The following MGST1 variants were observed in gnomAD, a reference collection of about 807,000 sequenced individuals.
MGST1 encodes the protein glutathione S-transferase 12.
A neutral mutation model predicts 8.9 loss-of-function variants in MGST1; 5 were observed. The ratio of observed to expected loss-of-function variants is 0.56; its 90% CI spans 0.29 to 1.19. The LOEUF is 1.19. MGST1 is among the 50% of genes most tolerant of loss of function. MGST1 has a pLI of 0.08. For missense variants in MGST1, 182 were observed against 187.4 expected (o/e 0.97, Z 0.17); for synonymous variants, 54 against 67.8 (o/e 0.80, Z 1.00).
intron 4 of MGST1, among the ~76,000 whole-genome samples, chr12:16,470,988 A>G (rs905043587): frequency 1.3e-5 from 2 of 152,212 alleles, no homozygotes; most frequent in African/African-American, 4.8e-5. Flanking sequence ...CAGCATAAAC[A>G]TCTGCCATCT....
At chr12:16,525,517 C>A (rs1941680316) in intron 4 of MGST1, among the ~76,000 whole-genome samples, 1 of 148,086 alleles carries the variant, frequency 6.8e-6, no homozygotes, top group African/African-American at 2.5e-5. Flanking sequence ...TGTATATGTG[C>A]CACATTTTCT....
chr12:16,429,233 AAATCAT>A (rs1940919126), intron 1 of MGST1, among the ~76,000 whole-genome samples: 1 of 152,160 alleles, frequency 6.6e-6, no homozygotes, highest in Admixed American at 6.5e-5. Flanking sequence ...ACATTTACAT[AAATCAT>A]AATTCAGTTA....
rs1053294185 is a variant in MGST1 at position 16,584,582 on chromosome 12, G to C, written n.483-4946G>C. Among the ~76,000 whole-genome samples, 1 of 150,768 alleles carries C rather than the reference G, an allele frequency of 6.6e-6. No individual in the cohort carries two copies. The highest frequency in any genetic ancestry group is 1.5e-5 in the Non-Finnish European group (1 of 67,926). On this transcript the variant is annotated intron_variant and non_coding_transcript_variant, in intron 4 of 4. Transcript: ENST00000538857. This position sits in a 1 kb window ranked among gnomAD's most constrained non-coding sequence, Gnocchi z 5.2. The stretch of plus-strand genomic sequence containing the variant: ...TTTAGATTAACATTGGCAAGTGGAG[G>C]AGTGGGGGGGGTAAGAGGCCTGTTT...
At chr12:16,387,178 T>G (rs2137048434) in intron 1 of MGST1, among the ~76,000 whole-genome samples, 1 of 152,274 alleles carries the variant, frequency 6.6e-6, no homozygotes, top group East Asian at 1.9e-4. Context: ...TCATAGTGCA[T>G]GACATACATG....
intron 1 of MGST1, among the ~76,000 whole-genome samples, chr12:16,397,778 C>CT (rs55755629): frequency 0.098 from 13,967 of 143,228 alleles, 763 homozygotes; most frequent in East Asian, 0.17. Context: ...TCAATAGTAT[C>CT]TTTTTTTTTT....
intron 1 of MGST1, among the ~76,000 whole-genome samples, chr12:16,414,071 AAATAAT>A (rs1555100980): frequency 6.6e-6 from 1 of 151,542 alleles, no homozygotes; most frequent in Non-Finnish European, 1.5e-5. Context: ...ACAAAAAAAA[AAATAAT>A]AATAATAAGG....
intron 4 of MGST1, among the ~76,000 whole-genome samples, chr12:16,455,033 C>T (rs1366818395): frequency 6.6e-6 from 1 of 151,644 alleles, no homozygotes; most frequent in African/African-American, 2.4e-5. Context: ...CATTTTGTAT[C>T]ATTAGTACCT....
intron 3 of MGST1, chr12:16,370,215 A>G (rs1423647299): frequency 6.6e-6 from 1 of 152,170 alleles, no homozygotes; most frequent in African/African-American, 2.4e-5. Context: ...AAAAAACACA[A>G]TACAGGGTTT....
intron 4 of MGST1, among the ~76,000 whole-genome samples, chr12:16,473,369 A>T (rs1412701183): frequency 1.3e-5 from 2 of 152,234 alleles, no homozygotes; most frequent in Non-Finnish European, 2.9e-5. Flanking sequence ...GGCTGAGATT[A>T]AGTAATTCAG....
At chr12:16,495,169 A>G (rs185807716) in intron 4 of MGST1, among the ~76,000 whole-genome samples, 2 of 152,264 alleles carry the variant, frequency 1.3e-5, no homozygotes, top group East Asian at 3.9e-4. Context: ...ATGCTGCAAC[A>G]TGGATGAAAC....
In MGST1 at chr12:16,584,588, G is replaced by C. The variant is rs537273418; in HGVS notation, n.483-4940G>C. Among the ~76,000 whole-genome samples, 164 of 152,264 alleles carry C rather than the reference G, an allele frequency of 1.1e-3. No homozygotes were observed. Among genetic ancestry groups the C allele is most frequent in the African/African-American group, 3.1e-3 (127 of 41,552 alleles). On this transcript the variant is annotated intron_variant and non_coding_transcript_variant, in intron 4 of 4. Coordinates refer to the MGST1 transcript ENST00000538857. The surrounding 1 kb of genome is among the most constrained non-coding windows in gnomAD (Gnocchi z 5.2). ...TTAACATTGGCAAGTGGAGGAGTGG[G>C]GGGGGTAAGAGGCCTGTTTAGAGGT...
At chr12:16,543,238 C>G (rs1405202913) in intron 4 of MGST1, among the ~76,000 whole-genome samples, 1 of 152,112 alleles carries the variant, frequency 6.6e-6, no homozygotes. Context: ...ATATCAGAAG[C>G]AGAGGCTTCC....
At chr12:16,573,676 T>C (rs1292145422) in intron 4 of MGST1, 5 of 152,236 alleles carry the variant, frequency 3.3e-5, no homozygotes. Flanking sequence ...CTTCCTGCTC[T>C]GCTCGAGCTG....
At chr12:16,364,647 C>T (rs4149208), downstream of MGST1, among the ~76,000 whole-genome samples, 41,204 of 151,938 alleles carry the variant, frequency 0.27, 5,824 homozygotes, top group Non-Finnish European at 0.31. This position sits in a 1 kb window ranked among gnomAD's most constrained non-coding sequence, Gnocchi z 5.7. Flanking sequence ...TTCCTATGAA[C>T]AAGACATTCT....
At chr12:16,455,493 G>C (rs1173609873) in intron 4 of MGST1, among the ~76,000 whole-genome samples, 1 of 151,598 alleles carries the variant, frequency 6.6e-6, no homozygotes, top group Non-Finnish European at 1.5e-5. Flanking sequence ...AATAAATGTT[G>C]GATAAAGTTT....
At chr12:16,425,545 A>G (rs1433318978) in intron 1 of MGST1, among the ~76,000 whole-genome samples, 3 of 152,148 alleles carry the variant, frequency 2.0e-5, no homozygotes, top group African/African-American at 7.2e-5. Context: ...AGGCCTCCCA[A>G]ATTGCTGGGA....
chr12:16,360,341 G>A, intron 3 of MGST1: 1 of 985,208 alleles, frequency 1.0e-6, no homozygotes, highest in East Asian at 1.1e-4. Context: ...GAACGGCAGA[G>A]CCAGAATGGG....
At chr12:16,478,081 C>T (rs138969998) in intron 4 of MGST1, among the ~76,000 whole-genome samples, 50 of 152,310 alleles carry the variant, frequency 3.3e-4, no homozygotes, top group African/African-American at 1.1e-3. Context: ...CCAGGCTGGA[C>T]TGCAGTGGCA....
downstream of MGST1, among the ~76,000 whole-genome samples, chr12:16,381,098 G>T (rs367677236): frequency 1.2e-3 from 189 of 152,176 alleles, 2 homozygotes; most frequent in East Asian, 0.03. Context: ...TATCCAATTT[G>T]CCGGTCTGTG....
Sources: gnomAD v4.1 joint callset for allele counts (sites outside exome capture counted in the v4.1 genomes callset) on GRCh38, gnomAD v4.1.1 for gene constraint, Gnocchi (gnomAD v3.1) non-coding constraint, MANE v1.5 for transcripts, NCBI Gene and HGNC (gene_info 2026-07-23, HGNC 2026-07-21) for gene names.